Variants in PHC3 observed in about 807,000 individuals in gnomAD.
PHC3 encodes polyhomeotic-like protein 3.
PHC3 carries 13 observed loss-of-function variants against 107.4 expected under a neutral mutation model. That is an observed-to-expected ratio of 0.12 (90% CI 0.08 to 0.19). The LOEUF (loss-of-function observed/expected upper bound fraction) is 0.19, where lower values mean the gene tolerates loss of function less well. Among genes scored for constraint, PHC3 ranks in the 10% least tolerant of loss-of-function variants. The probability of loss-of-function intolerance (pLI) is 1.00; values close to 1 mark genes in which losing one functional copy is unlikely to be tolerated. For synonymous variants in PHC3, 456 were observed against 427.4 expected (o/e 1.07, Z -0.83); for missense variants, 992 against 1,210.9 (o/e 0.82, Z 2.68).
intron 9 of PHC3, among the ~76,000 whole-genome samples, chr3:170,121,932 A>G (rs1401646481): frequency 6.6e-6 from 1 of 152,230 alleles, no homozygotes; most frequent in Non-Finnish European, 1.5e-5. Context: ...TGAACAATTT[A>G]TAAGCTATTG....
At position 170,092,080 on chromosome 3, in the gene PHC3, A is replaced by C. The variant is rs1714158606; in HGVS notation, c.*5150T>G. 1 of 152,098 alleles carries C rather than the reference A, an allele frequency of 6.6e-6. No individual in the cohort carries two copies. The highest frequency in any genetic ancestry group is 1.5e-5 in the Non-Finnish European group (1 of 68,032). The allele number at this position is 152,098 out of a possible 1,614,324, so 9.4% of individuals were successfully genotyped here. A position where few individuals can be genotyped will look rare whatever the true frequency, so the allele number is the denominator to read the frequency against. On this transcript the variant is annotated 3_prime_UTR_variant, in exon 15 of 15. Coordinates refer to ENST00000495893, the MANE Select transcript of PHC3 (RefSeq NM_024947.4). ...AGGGGTGTGATCTTGGCTCACTGCA[A>C]CCTCCACCACCTGGGTTCAAGCAAT...
intron 11 of PHC3, among the ~76,000 whole-genome samples, chr3:170,111,622 G>C (rs1265389482): frequency 6.6e-6 from 1 of 152,146 alleles, no homozygotes; most frequent in Admixed American, 6.5e-5. Context: ...AATTTTTCAA[G>C]GTTAACATTC....
chr3:170,152,415 T>C, intron 4 of PHC3, among the ~76,000 whole-genome samples: 1 of 150,100 alleles, frequency 6.7e-6, no homozygotes, highest in Non-Finnish European at 1.5e-5. Flanking sequence ...CTCAATCTCC[T>C]GACCTCACGA....
chr3:170,171,324 CAATTCTTTA>C (rs907556670), intron 4 of PHC3, 40 bp downstream of exon 4: 13 of 1,333,668 alleles, frequency 9.7e-6, no homozygotes, highest in Non-Finnish European at 1.2e-5. Flanking sequence ...TTTTGGAAAA[CAATTCTTTA>C]AAATTTTAAA....
At chr3:170,148,215 G>C (rs973336305) in intron 5 of PHC3, 1 of 152,224 alleles carries the variant, frequency 6.6e-6, no homozygotes, top group Admixed American at 6.6e-5. Flanking sequence ...GTTGCAGTGA[G>C]CAGAGATCGT....
At chr3:170,139,450 T>C (rs761796762) in intron 6 of PHC3, among the ~76,000 whole-genome samples, 36 of 152,278 alleles carry the variant, frequency 2.4e-4, no homozygotes, top group Middle Eastern at 3.4e-3. Context: ...GTAGACTGCA[T>C]AGTAATGATA....
At chr3:170,136,235 T>C in intron 7 of PHC3, 184 bp downstream of exon 7, 1 of 652,528 alleles carries the variant, frequency 1.5e-6, no homozygotes. Flanking sequence ...TTGTTACAAT[T>C]TATTTTATCT....
intron 10 of PHC3, among the ~76,000 whole-genome samples, chr3:170,115,122 T>C (rs1165247508): frequency 2.0e-5 from 3 of 152,146 alleles, no homozygotes; most frequent in Admixed American, 1.3e-4. Context: ...AAGAAACTTA[T>C]TTAAAATGTG....
In PHC3 at chr3:170,164,166, G is replaced by A. The variant is rs548651512; in HGVS notation, c.414+7207C>T. On this transcript the variant is annotated intron_variant, in intron 4 of 14. Coordinates refer to ENST00000495893, the MANE Select transcript of PHC3 (RefSeq NM_024947.4). ...AGCTATGATCATGCCACTGCCCTCC[G>A]GCCTGGCCAACAGAGTGAGATAGTA... 4.2e-4 allele frequency among the ~76,000 whole-genome samples: 64 copies of A among 151,916 alleles called. 2 individuals carry two copies. The South Asian group carries it at 7.9e-3, about 19-fold the overall frequency.
At position 170,097,735 on chromosome 3, in the gene PHC3, A is replaced by G. The variant is rs1437913413; in HGVS notation, c.2834-351T>C. On this transcript the variant is annotated intron_variant, in intron 14 of 14. Transcript: ENST00000495893. This position sits in a 1 kb window ranked among gnomAD's most constrained non-coding sequence, Gnocchi z 4.1. The stretch of plus-strand genomic sequence containing the variant: ...CATAACAGGTTTGGGTTAACTAGTT[A>G]TACCTCATGCACTTATCTCTGTATA... Among the ~76,000 whole-genome samples, 2 of 152,208 alleles carry G rather than the reference A, an allele frequency of 1.3e-5. No individual in the cohort carries two copies. Among genetic ancestry groups the G allele is most frequent in the Non-Finnish European group, 2.9e-5 (2 of 68,030 alleles).
At chr3:170,161,527 G>A (rs553458340) in intron 4 of PHC3, among the ~76,000 whole-genome samples, 11 of 152,210 alleles carry the variant, frequency 7.2e-5, no homozygotes, top group South Asian at 2.1e-4. Flanking sequence ...TAGGGTTCAC[G>A]CTCCTATGAG....
chr3:170,129,693 G>T, intron 7 of PHC3, 141 bp from the exon 8 acceptor site: 4 of 799,054 alleles, frequency 5.0e-6, no homozygotes, highest in Non-Finnish European at 7.3e-6. Context: ...AGAGTAATTT[G>T]AAAAAAAAAA....
At chr3:170,117,609 G>C in intron 9 of PHC3, 133 bp from the exon 10 acceptor site, 2 of 863,130 alleles carry the variant, frequency 2.3e-6, no homozygotes, top group Non-Finnish European at 3.5e-6. Flanking sequence ...AGAACCTTAA[G>C]ACCTCATTTA....
At chr3:170,101,326 A>G (rs1398293245) in intron 14 of PHC3, among the ~76,000 whole-genome samples, 1 of 152,230 alleles carries the variant, frequency 6.6e-6, no homozygotes, top group Non-Finnish European at 1.5e-5. Flanking sequence ...AGAATTCTGT[A>G]TATGAGGTAA....
intron 4 of PHC3, among the ~76,000 whole-genome samples, chr3:170,164,671 G>A (rs1334437848): frequency 6.6e-6 from 1 of 151,964 alleles, no homozygotes; most frequent in Non-Finnish European, 1.5e-5. Flanking sequence ...AAAACAACAT[G>A]GTAATGAATT....
At chr3:170,140,555 T>C (rs1389177611) in intron 6 of PHC3, among the ~76,000 whole-genome samples, 1 of 144,008 alleles carries the variant, frequency 6.9e-6, no homozygotes, top group Non-Finnish European at 1.5e-5. Flanking sequence ...TGCCAGCCTC[T>C]GGGTCAGAGT....
At chr3:170,141,606 CTTTT>C (rs1298333278) in intron 6 of PHC3, among the ~76,000 whole-genome samples, 1 of 151,964 alleles carries the variant, frequency 6.6e-6, no homozygotes, top group African/African-American at 2.4e-5. Context: ...ACTATAAATT[CTTTT>C]TTTGTTTTGT....
intron 4 of PHC3, among the ~76,000 whole-genome samples, chr3:170,165,515 G>A (rs1728573865): frequency 6.6e-6 from 1 of 152,116 alleles, no homozygotes; most frequent in African/African-American, 2.4e-5. Context: ...CACTTTGGGA[G>A]GCTGAGGCAG....
At chr3:170,129,795 G>T (rs944361284) in intron 7 of PHC3, among the ~76,000 whole-genome samples, 2 of 152,024 alleles carry the variant, frequency 1.3e-5, no homozygotes, top group Non-Finnish European at 2.9e-5. Flanking sequence ...CACCTCCCTG[G>T]TTCAAGCGAT....
Sources: allele counts gnomAD v4.1 joint callset (sites outside exome capture counted in the v4.1 genomes callset), GRCh38; gene constraint gnomAD v4.1.1; non-coding constraint Gnocchi (gnomAD v3.1); transcripts MANE v1.5; gene names NCBI Gene and HGNC (gene_info 2026-07-23, HGNC 2026-07-21).